PCDH7: variants seen among roughly 807,000 people sequenced by gnomAD.
PCDH7 encodes protocadherin-7.
In PCDH7, 17 loss-of-function variants were observed where a neutral mutation model predicts 58.9. The ratio of observed to expected loss-of-function variants is 0.29; its 90% CI spans 0.20 to 0.43. The LOEUF is 0.43. Among genes scored for constraint, PCDH7 ranks in the 20% least tolerant of loss-of-function variants. PCDH7 has a pLI of 1.00. For synonymous variants in PCDH7, 664 were observed against 616.4 expected (o/e 1.08, Z -1.14); for missense variants, 1,274 against 1,441.0 (o/e 0.88, Z 1.88).
In PCDH7 at chr4:30,859,275, T is replaced by C. The variant is rs574964444; in HGVS notation, c.71-60878T>C. On this transcript the variant is annotated intron_variant, in intron 1 of 3. Coordinates refer to the PCDH7 transcript ENST00000509759. ...TAACCACACAGCATTTTAAATCGTT[T>C]ATCAATTTTTAGGTATAATTAGGAG... Among the ~76,000 whole-genome samples the C allele has an allele frequency of 1.2e-4, 18 of 152,244 alleles. No homozygotes were observed. In the South Asian group the frequency reaches 3.7e-3, roughly 32 times the overall value.
At chr4:31,104,858 C>T (rs1327925135) in intron 3 of PCDH7, among the ~76,000 whole-genome samples, 1 of 152,062 alleles carries the variant, frequency 6.6e-6, no homozygotes, top group Non-Finnish European at 1.5e-5. Context: ...AAGAAGTATG[C>T]CAACTGAAAG....
intron 3 of PCDH7, among the ~76,000 whole-genome samples, chr4:31,060,781 T>C (rs1578686793): frequency 6.6e-6 from 1 of 151,884 alleles, no homozygotes; most frequent in Non-Finnish European, 1.5e-5. Context: ...GCCATGAGGA[T>C]GAAAATGTTG....
intron 1 of PCDH7, among the ~76,000 whole-genome samples, chr4:30,784,467 A>G (rs1723156327): frequency 6.6e-6 from 1 of 152,160 alleles, no homozygotes; most frequent in Non-Finnish European, 1.5e-5. Context: ...CCTCGATAAC[A>G]TTTTAATACG....
At chr4:31,029,231 A>G (rs1754696582) in intron 3 of PCDH7, among the ~76,000 whole-genome samples, 1 of 152,228 alleles carries the variant, frequency 6.6e-6, no homozygotes. Context: ...ACCAAATTAA[A>G]GGCCTATAAG....
intron 2 of PCDH7, among the ~76,000 whole-genome samples, chr4:30,933,148 T>A (rs1230415874): frequency 6.6e-6 from 1 of 151,940 alleles, no homozygotes; most frequent in African/African-American, 2.4e-5. Context: ...TGCCTCAGGC[T>A]CCCAAGTAGC....
rs78603419 is a variant in PCDH7, at chr4:31,094,676, A to T, written c.*8-47797A>T. On this transcript the variant is annotated intron_variant, in intron 3 of 3. Coordinates refer to the PCDH7 transcript ENST00000509759. The stretch of plus-strand genomic sequence containing the variant: ...GGAACTGGGGAGAGCATTAGCAAAA[A>T]CCTGCCCTTCGTCCAGATACCACTG... 4.0e-5 allele frequency among the ~76,000 whole-genome samples: 6 copies of T among 151,802 alleles called. 1 individual carries two copies. Among genetic ancestry groups the T allele is most frequent in the Non-Finnish European group, 7.4e-5 (5 of 67,958 alleles).
At chr4:30,934,822 C>T (rs911185715) in intron 2 of PCDH7, among the ~76,000 whole-genome samples, 1 of 152,022 alleles carries the variant, frequency 6.6e-6, no homozygotes, top group African/African-American at 2.4e-5. Flanking sequence ...ATAACATGTA[C>T]ATTTGCAAAG....
chr4:31,121,586 G>A (rs1661170253), intron 3 of PCDH7, among the ~76,000 whole-genome samples: 1 of 152,038 alleles, frequency 6.6e-6, no homozygotes, highest in African/African-American at 2.4e-5. Context: ...ATACAATCAG[G>A]AAAATATGAT....
chr4:30,863,903 G>A (rs1381187663), intron 1 of PCDH7, among the ~76,000 whole-genome samples: 2 of 152,086 alleles, frequency 1.3e-5, no homozygotes, highest in Non-Finnish European at 2.9e-5. Context: ...CTGTCAGTGA[G>A]GCTGACTGTA....
In PCDH7 at chr4:30,722,021, C is replaced by T; in HGVS notation, c.599C>T (p.Ala200Val). The T allele has an allele frequency of 8.0e-7, 1 of 1,255,650 alleles. No homozygotes were observed. Among genetic ancestry groups the T allele is most frequent in the Middle Eastern group, 3.1e-4 (1 of 3,256 alleles). The allele number at this position is 1,255,650 out of a possible 1,614,324, so 77.8% of individuals were successfully genotyped here. A position where few individuals can be genotyped will look rare whatever the true frequency, so the allele number is the denominator to read the frequency against. The change falls in exon 1 of 2, where the codon GCG (alanine) becomes GTG (valine). Residue 200 changes from alanine (A) to valine (V), a missense_variant. Around this residue, in one of 3 missense-constraint regions of PCDH7, gnomAD observed 331 missense variants for 303.2 expected, o/e 1.09. Transcript: ENST00000361762. This position sits in a 1 kb window ranked among gnomAD's most constrained non-coding sequence, Gnocchi z 7.6. ...GGCGGCGAGAGCCGGCGCGCCGGGG[C>T]GGCCGACAGCGCCCCCTACCCCGGG...
In PCDH7 at chr4:30,920,309, G is replaced by A. The variant is rs577622983; in HGVS notation, c.229G>A (p.Asp77Asn). 4 of 1,367,562 alleles carry A rather than the reference G, an allele frequency of 2.9e-6. No homozygotes were observed. The South Asian group carries it at 4.5e-5, about 16-fold the overall frequency. The allele number at this position is 1,367,562 out of a possible 1,614,324, so 84.7% of individuals were successfully genotyped here. A position where few individuals can be genotyped will look rare whatever the true frequency, so the allele number is the denominator to read the frequency against. The change falls in exon 2 of 4, where the codon GAC (aspartate) becomes AAC (asparagine). Residue 77 changes from aspartate to asparagine, a missense_variant. Physicochemically the swap from Asp to Asn is conservative, Grantham distance 23. Transcript: ENST00000509759. ...ACTGGGTGCGCTTCCACTCCCAGAG[G>A]ACAACTATGAAAGGACCACGCCGGA...
intron 1 of PCDH7, among the ~76,000 whole-genome samples, chr4:30,818,746 A>G (rs1727999025): frequency 1.3e-5 from 2 of 152,158 alleles, no homozygotes; most frequent in South Asian, 4.1e-4. Context: ...TGATATGACC[A>G]ATAATAAATA....
At chr4:30,730,872 C>A in exon 2 of PCDH7, 2 of 1,474,368 alleles carry the variant, frequency 1.4e-6, no homozygotes, top group East Asian at 2.5e-5. Flanking sequence ...TGCCCTTGGC[C>A]GTGGGGTGTC....
intron 2 of PCDH7, among the ~76,000 whole-genome samples, chr4:30,938,535 G>A (rs1474259436): frequency 1.3e-5 from 2 of 151,644 alleles, no homozygotes; most frequent in Admixed American, 6.6e-5. Flanking sequence ...AGCCTTGATA[G>A]GCTAGGCCAA....
intron 1 of PCDH7, among the ~76,000 whole-genome samples, chr4:30,843,350 C>T (rs1395924860): frequency 6.6e-6 from 1 of 151,966 alleles, no homozygotes; most frequent in South Asian, 2.1e-4. Context: ...TACAGTTGTG[C>T]GCCCTGCTAA....
intron 3 of PCDH7, among the ~76,000 whole-genome samples, chr4:31,104,045 C>T (rs1003898171): frequency 2.0e-5 from 3 of 152,206 alleles, no homozygotes; most frequent in African/African-American, 7.2e-5. Context: ...CAAAAGCCAA[C>T]CATTTCAATA....
chr4:30,975,234 A>G (rs1749970768), intron 3 of PCDH7, among the ~76,000 whole-genome samples: 1 of 151,778 alleles, frequency 6.6e-6, no homozygotes, highest in Non-Finnish European at 1.5e-5. Flanking sequence ...AGGAAGGTTT[A>G]AATTTCAATG....
chr4:31,138,340 T>A (rs1159804033), intron 3 of PCDH7, among the ~76,000 whole-genome samples: 1 of 152,202 alleles, frequency 6.6e-6, no homozygotes, highest in Non-Finnish European at 1.5e-5. Flanking sequence ...GTTGTTTCAT[T>A]CTTTTCACTA....
At chr4:30,882,726 T>C (rs567528000) in intron 1 of PCDH7, among the ~76,000 whole-genome samples, 42 of 152,318 alleles carry the variant, frequency 2.8e-4, no homozygotes, top group Middle Eastern at 3.4e-3. Context: ...TGAAAGAAGA[T>C]AAAAACAAAG....
Sources: gnomAD v4.1 joint callset for allele counts (sites outside exome capture counted in the v4.1 genomes callset) on GRCh38, gnomAD v4.1.1 for gene constraint, gnomAD v4.1.1 regional missense constraint, Gnocchi (gnomAD v3.1) non-coding constraint, MANE v1.5 for transcripts, NCBI Gene and HGNC (gene_info 2026-07-23, HGNC 2026-07-21) for gene names.